The following MGAT4A variants were observed in gnomAD, a reference collection of about 807,000 sequenced individuals.
MGAT4A encodes N-acetylglucosaminyltransferase IVa.
A neutral mutation model predicts 74.1 loss-of-function variants in MGAT4A; 33 were observed. The ratio of observed to expected loss-of-function variants is 0.45; its 90% confidence interval spans 0.34 to 0.60. The LOEUF (loss-of-function observed/expected upper bound fraction) is 0.60. Ranked by LOEUF, MGAT4A falls within the 20% of genes least tolerant of loss-of-function variation. The pLI is 0.02. For synonymous variants in MGAT4A, 198 were observed against 210.4 expected (o/e 0.94, Z 0.51); for missense variants, 479 against 628.3 (o/e 0.76, Z 2.54).
At chr2:98,642,308 G>A (rs886682572) in intron 10 of MGAT4A, among the ~76,000 whole-genome samples, 3 of 152,158 alleles carry the variant, frequency 2.0e-5, no homozygotes, top group African/African-American at 4.8e-5. Flanking sequence ...GACTCTGGCC[G>A]AAGGGCCCAA....
At chr2:98,693,947 T>G (rs897503016) in intron 2 of MGAT4A, among the ~76,000 whole-genome samples, 11 of 152,014 alleles carry the variant, frequency 7.2e-5, no homozygotes, top group Admixed American at 4.6e-4. Context: ...AGGAACAAAC[T>G]ACAAAGAAAA....
At chr2:98,671,931 A>C (rs1701916077) in intron 4 of MGAT4A, among the ~76,000 whole-genome samples, 2 of 118,142 alleles carry the variant, frequency 1.7e-5, no homozygotes, top group South Asian at 6.1e-4. Flanking sequence ...CCACAAAGTA[A>C]TGTGGAAAAG....
At chr2:98,656,912 C>A (rs1354512696) in intron 6 of MGAT4A, among the ~76,000 whole-genome samples, 1 of 152,146 alleles carries the variant, frequency 6.6e-6, no homozygotes, top group Admixed American at 6.6e-5. Context: ...GGGTTATAGA[C>A]CACATGTCAT....
intron 14 of MGAT4A, among the ~76,000 whole-genome samples, 192 bp from the exon 15 acceptor site, chr2:98,626,027 T>C (rs1701139232): frequency 6.6e-6 from 1 of 152,190 alleles, no homozygotes. Flanking sequence ...AGTGCATATT[T>C]AAAAACTTCA....
chr2:98,688,930 A>G (rs1432175740), intron 2 of MGAT4A, among the ~76,000 whole-genome samples: 1 of 152,202 alleles, frequency 6.6e-6, no homozygotes, highest in Non-Finnish European at 1.5e-5. Flanking sequence ...GATCTCAGTG[A>G]GCCTATTTTT....
intron 12 of MGAT4A, 76 bp downstream of exon 12, chr2:98,639,732 C>T (rs1701377337): frequency 7.3e-7 from 1 of 1,375,718 alleles, no homozygotes; most frequent in South Asian, 1.5e-5. Flanking sequence ...GGCACACACA[C>T]AAAAATCTAT....
chr2:98,667,347 A>G (rs1222418706), intron 4 of MGAT4A, among the ~76,000 whole-genome samples: 1 of 152,248 alleles, frequency 6.6e-6, no homozygotes, highest in Non-Finnish European at 1.5e-5. Flanking sequence ...AACTGGGTTA[A>G]CAGGCAGAGG....
At chr2:98,648,607 C>T (rs1463799830) in intron 8 of MGAT4A, among the ~76,000 whole-genome samples, 1 of 151,416 alleles carries the variant, frequency 6.6e-6, no homozygotes, top group Non-Finnish European at 1.5e-5. Context: ...TGGCCCCAGC[C>T]GCACAGGAGG....
intron 4 of MGAT4A, among the ~76,000 whole-genome samples, chr2:98,668,353 T>C (rs1701866668): frequency 6.6e-6 from 1 of 152,192 alleles, no homozygotes; most frequent in Non-Finnish European, 1.5e-5. Flanking sequence ...GGAGCCAAGG[T>C]ACAGCTCAGG....
intron 2 of MGAT4A, among the ~76,000 whole-genome samples, chr2:98,707,120 C>T (rs1218437640): frequency 6.6e-6 from 1 of 152,088 alleles, no homozygotes; most frequent in Non-Finnish European, 1.5e-5. Flanking sequence ...AAGGCTGAGG[C>T]ACGTGAATCA....
chr2:98,623,417 G>C lies in MGAT4A; in HGVS notation c.*2149C>G, dbSNP rs555617419. 6.1e-6 allele frequency: 6 copies of C among 985,400 alleles called. No homozygotes were observed. The highest frequency in any genetic ancestry group is 7.2e-6 in the Non-Finnish European group (6 of 829,926). The allele number at this position is 985,400 out of a possible 1,614,324, so 61.0% of individuals were successfully genotyped here. On this transcript the variant is annotated 3_prime_UTR_variant, in exon 16 of 16. Coordinates refer to ENST00000393487, the MANE Select transcript of MGAT4A (RefSeq NM_012214.3). ...GGCAACTGAGGAACCAGGGACCCAA[G>C]AGTACTCCTAAGCCCACCTGCAGAG...
intron 14 of MGAT4A, among the ~76,000 whole-genome samples, chr2:98,626,456 A>G (rs571990126): frequency 6.6e-6 from 1 of 152,336 alleles, no homozygotes; most frequent in African/African-American, 2.4e-5. Flanking sequence ...TCTTGCTATC[A>G]GGAATAACAT....
chr2:98,632,391 C>T (rs923434950), intron 14 of MGAT4A, among the ~76,000 whole-genome samples: 1 of 152,188 alleles, frequency 6.6e-6, no homozygotes, highest in Non-Finnish European at 1.5e-5. Flanking sequence ...GAACTTTTCC[C>T]GTCTCAACAG....
rs1168954705 is a variant in MGAT4A at position 98,711,866 on chromosome 2, C to T, written c.94+14373G>A. ...TTGCCCAGGCTCATTTCAAGGGATC[C>T]TCCTGCCTCAACTTCCCAAAGTGTT... On this transcript the variant is annotated intron_variant, in intron 2 of 15. Transcript: ENST00000393487. Among the ~76,000 whole-genome samples the T allele has an allele frequency of 7.2e-5, 11 of 152,274 alleles. No homozygotes were observed. In the East Asian group the frequency reaches 1.5e-3, roughly 21 times the overall value.
chr2:98,708,108 G>A (rs1024257156), intron 2 of MGAT4A, among the ~76,000 whole-genome samples: 6 of 151,776 alleles, frequency 4.0e-5, no homozygotes, highest in Non-Finnish European at 8.8e-5. Flanking sequence ...CTATGATGCA[G>A]TCAATGTTAG....
intron 2 of MGAT4A, among the ~76,000 whole-genome samples, chr2:98,699,669 T>C (rs1702324841): frequency 6.6e-6 from 1 of 152,188 alleles, no homozygotes; most frequent in South Asian, 2.1e-4. Context: ...ATGGTAATTG[T>C]AAAATGGAAT....
At chr2:98,699,027 T>C (rs775689131) in intron 2 of MGAT4A, among the ~76,000 whole-genome samples, 9 of 152,176 alleles carry the variant, frequency 5.9e-5, no homozygotes, top group Non-Finnish European at 1.3e-4. Context: ...GGTTCAGTGA[T>C]TCACTTGAAG....
rs1163353287 is a variant in MGAT4A, at chr2:98,622,792, A to G, written c.*2774T>C. The G allele has an allele frequency of 1.0e-6, 1 of 985,490 alleles. No homozygotes were observed. Among genetic ancestry groups the G allele is most frequent in the Non-Finnish European group, 1.2e-6 (1 of 830,108 alleles). 61.0% of individuals were successfully genotyped at this position (985,490 alleles called of 1,614,324 possible). A position where few individuals can be genotyped will look rare whatever the true frequency, so the allele number is the denominator to read the frequency against. ...GACAGCACACACCATACACACAAAC[A>G]ATCAAAAACTAGACAACCGATTGTG... is the stretch of plus-strand genomic sequence containing the variant. On this transcript the variant is annotated 3_prime_UTR_variant, in exon 16 of 16. Coordinates refer to ENST00000393487, the MANE Select transcript of MGAT4A (RefSeq NM_012214.3).
Position 98,620,946 on chromosome 2 carries a change from A to T in MGAT4A, c.*4620T>A, listed in dbSNP as rs1473467443. On this transcript the variant is annotated 3_prime_UTR_variant, in exon 16 of 16. Transcript: ENST00000393487. ...GCCAACAAACGTCCAATGAAGACTA[A>T]TTGAGATCTCTGGCGAGAACATCCC... 1 of 152,670 alleles carries T rather than the reference A, an allele frequency of 6.6e-6. No individual in the cohort carries two copies. The highest frequency in any genetic ancestry group is 1.5e-5 in the Non-Finnish European group (1 of 68,372). The allele number at this position is 152,670 out of a possible 1,614,324, so 9.5% of individuals were successfully genotyped here. A position where few individuals can be genotyped will look rare whatever the true frequency, so the allele number is the denominator to read the frequency against.
Sources: allele counts gnomAD v4.1 joint callset (sites outside exome capture counted in the v4.1 genomes callset), GRCh38; gene constraint gnomAD v4.1.1; transcripts MANE v1.5; gene names NCBI Gene and HGNC (gene_info 2026-07-23, HGNC 2026-07-21).